The following FXYD5 variants were observed in gnomAD, a reference collection of about 807,000 sequenced individuals.
FXYD5 encodes the protein FXYD domain-containing ion transport regulator 5.
In FXYD5, 21 loss-of-function variants were observed where a neutral mutation model predicts 25.7. The ratio of observed to expected loss-of-function variants is 0.82; its 90% CI spans 0.58 to 1.18. FXYD5 has a LOEUF of 1.18. FXYD5 is among the 50% of genes most tolerant of loss of function. The probability of loss-of-function intolerance (pLI) is 0.00; values close to 1 mark genes in which losing one functional copy is unlikely to be tolerated. For missense variants in FXYD5, 229 were observed against 227.7 expected (o/e 1.01, Z -0.04); for synonymous variants, 101 against 90.7 (o/e 1.11, Z -0.64).
intron 2 of FXYD5, among the ~76,000 whole-genome samples, chr19:35,156,550 T>G (rs1032780978): frequency 2.0e-5 from 3 of 152,048 alleles, no homozygotes; most frequent in Non-Finnish European, 2.9e-5. Flanking sequence ...GAGGTGACAT[T>G]TGGACCAACA....
In FXYD5 at chr19:35,165,415, T is replaced by C. The variant is rs544190556; in HGVS notation, c.383-727T>C. On this transcript the variant is annotated intron_variant, in intron 6 of 8. Coordinates refer to ENST00000392219, the MANE Select transcript of FXYD5 (RefSeq NM_014164.6). ...GATGTTGCCATGGCATTTGAAACTG[T>C]CATGGTGCTGGTAGGAGTGCCTTTT... 2.6e-5 allele frequency among the ~76,000 whole-genome samples: 4 copies of C among 152,210 alleles called. No individual in the cohort carries two copies. In the South Asian group the frequency reaches 8.3e-4, roughly 32 times the overall value.
chr19:35,160,810 T>C lies in FXYD5; in HGVS notation c.292+9T>C, dbSNP rs1309191824. 2 of 1,560,686 alleles carry C rather than the reference T, an allele frequency of 1.3e-6. No individual in the cohort carries two copies. The highest frequency in any genetic ancestry group is 1.7e-4 in the Middle Eastern group (1 of 5,984). ...CAAGAGCACCAAAGCAGGTATAGCA[T>C]GGGACTGAGAGCAGCAGCCTACGAT... On this transcript the variant is annotated intron_variant, in intron 5 of 8. Coordinates refer to ENST00000392219, the MANE Select transcript of FXYD5 (RefSeq NM_014164.6).
At chr19:35,157,725 A>T (rs2065370267) in intron 3 of FXYD5, 2 of 414,186 alleles carry the variant, frequency 4.8e-6, no homozygotes, top group Non-Finnish European at 8.9e-6. Flanking sequence ...TTTCAGGAAG[A>T]GTCTCCTCTC....
At chr19:35,155,936 C>T (rs2065350805) in intron 2 of FXYD5, among the ~76,000 whole-genome samples, 1 of 152,188 alleles carries the variant, frequency 6.6e-6, no homozygotes, top group Non-Finnish European at 1.5e-5. Flanking sequence ...GCCAGGAAAC[C>T]TAGGCTCCCA....
chr19:35,164,833 A>C (rs1188402680), intron 6 of FXYD5, among the ~76,000 whole-genome samples: 2 of 152,232 alleles, frequency 1.3e-5, no homozygotes, highest in Non-Finnish European at 2.9e-5. Context: ...TGGAACTACT[A>C]TTCTAGTGGT....
At chr19:35,160,066 G>A (rs12610110) in intron 4 of FXYD5, 6,353 of 170,220 alleles carry the variant, frequency 0.037, 165 homozygotes, top group East Asian at 0.068. Context: ...ATGATTAGCT[G>A]GGCATGGTGG....
chr19:35,164,219 C>T lies in FXYD5; in HGVS notation c.356C>T (p.Thr119Ile). Residue 119 changes from threonine (T) to isoleucine (I), a missense_variant, in exon 6 of 9, where the codon ACA becomes ATA. Thr to Ile is a moderately conservative substitution (Grantham distance 89). Transcript: ENST00000392219. ...CCATCCCCAAGCACAGACGTCCAGA[C>T]AGACCCCCAGACCCTCAAGCCATCT... is the stretch of plus-strand genomic sequence containing the variant. ...ERPSPSTDVQ[T>I]DPQTLKPSGF... 6.2e-7 allele frequency: 1 copy of T among 1,612,834 alleles called. No homozygotes were observed. Among genetic ancestry groups the T allele is most frequent in the Non-Finnish European group, 8.5e-7 (1 of 1,179,522 alleles).
Position 35,169,760 on chromosome 19 carries a change from C to T in FXYD5, c.*145C>T. On this transcript the variant is annotated 3_prime_UTR_variant, in exon 9 of 9. Coordinates refer to ENST00000392219, the MANE Select transcript of FXYD5 (RefSeq NM_014164.6). ...GATGATGAAGCTGGAGCCAGGGCTG[C>T]CGGTCCGAGTCTCCTACCTCCCCCA... is the stretch of plus-strand genomic sequence containing the variant. 6.2e-6 allele frequency: 4 copies of T among 649,986 alleles called. No individual in the cohort carries two copies. The highest frequency in any genetic ancestry group is 1.8e-5 in the African/African-American group (1 of 55,612). The allele number at this position is 649,986 out of a possible 1,614,324, so 40.3% of individuals were successfully genotyped here. A position where few individuals can be genotyped will look rare whatever the true frequency, so the allele number is the denominator to read the frequency against.
chr19:35,161,757 C>A (rs994024101), intron 5 of FXYD5, among the ~76,000 whole-genome samples: 1 of 152,180 alleles, frequency 6.6e-6, no homozygotes, highest in Non-Finnish European at 1.5e-5. Context: ...CTAATGCCTG[C>A]GTGATGATCC....
chr19:35,168,013 G>A (rs764205466), intron 8 of FXYD5, among the ~76,000 whole-genome samples: 1 of 151,874 alleles, frequency 6.6e-6, no homozygotes, highest in South Asian at 2.1e-4. Flanking sequence ...GAGCCCAGGG[G>A]TTCAAGACCA....
chr19:35,159,798 CACA>C (rs1302230146), intron 4 of FXYD5: 2 of 887,584 alleles, frequency 2.3e-6, no homozygotes, highest in East Asian at 2.8e-5. Context: ...TTCAAGGTCT[CACA>C]ACAAGTCAGG....
chr19:35,163,898 T>C (rs542854428), intron 5 of FXYD5: 3 of 1,121,964 alleles, frequency 2.7e-6, no homozygotes, highest in South Asian at 1.7e-5. Context: ...CAGAAGGTCC[T>C]AGGAGAGGGG....
At chr19:35,158,232 T>A in intron 3 of FXYD5, 112 bp from the exon 4 acceptor site, 1 of 742,782 alleles carries the variant, frequency 1.3e-6, no homozygotes, top group South Asian at 1.5e-5. Context: ...GCCATTTCTA[T>A]TACATTAAAG....
At chr19:35,155,451 T>A in intron 1 of FXYD5, 100 bp from the exon 2 acceptor site, 2 of 981,708 alleles carry the variant, frequency 2.0e-6, no homozygotes, top group East Asian at 4.8e-5. Flanking sequence ...AGCCAGAGGT[T>A]TTTGCTCAGG....
chr19:35,159,703 T>C, intron 4 of FXYD5: 3 of 1,481,948 alleles, frequency 2.0e-6, no homozygotes, highest in Non-Finnish European at 2.7e-6. Context: ...TGTTAACTCA[T>C]TCAACCTTCA....
chr19:35,168,870 T>C (rs1473513436), intron 8 of FXYD5, among the ~76,000 whole-genome samples: 1 of 151,960 alleles, frequency 6.6e-6, no homozygotes, highest in African/African-American at 2.4e-5. Flanking sequence ...CAAGACCAGC[T>C]TGGCCAACAT....
At chr19:35,155,395 C>G in intron 1 of FXYD5, 156 bp from the exon 2 acceptor site, 2 of 661,978 alleles carry the variant, frequency 3.0e-6, no homozygotes, top group Non-Finnish European at 5.5e-6. Context: ...AAGACCCTCC[C>G]CTTTCCCCTG....
chr19:35,166,128 G>T lies in FXYD5; in HGVS notation c.383-14G>T. 15 of 1,613,434 alleles carry T rather than the reference G, an allele frequency of 9.3e-6. No homozygotes were observed. Among genetic ancestry groups the T allele is most frequent in the Non-Finnish European group, 1.3e-5 (15 of 1,179,798 alleles). ...TTTGCTGAACCCTGACTTGCTCTTTGTCTGCCTCTCCAGGTTTTCATGAGG... is the reference window on the plus strand; with the variant it reads ...TTTGCTGAACCCTGACTTGCTCTTTTTCTGCCTCTCCAGGTTTTCATGAGG... On this transcript the variant is annotated splice_polypyrimidine_tract_variant and intron_variant, in intron 6 of 8. Transcript: ENST00000392219.
intron 2 of FXYD5, 86 bp downstream of exon 2, chr19:35,155,697 G>A (rs1027336004): frequency 5.3e-6 from 5 of 939,608 alleles, no homozygotes; most frequent in East Asian, 2.4e-5. Flanking sequence ...TGGTTGGCCC[G>A]TGTGAACGTT....
Sources: gnomAD v4.1 joint callset for allele counts (sites outside exome capture counted in the v4.1 genomes callset) on GRCh38, gnomAD v4.1.1 for gene constraint, MANE v1.5 for transcripts, NCBI Gene and HGNC (gene_info 2026-07-23, HGNC 2026-07-21) for gene names.